Variants in GLI3 observed in about 807,000 individuals in gnomAD.
GLI3 encodes the protein GLI family zinc finger 3, also known as transcription activator GLI3.
A neutral mutation model predicts 100.8 loss-of-function variants in GLI3; 20 were observed. The ratio of observed to expected loss-of-function variants is 0.20; its 90% CI spans 0.14 to 0.29. The LOEUF (loss-of-function observed/expected upper bound fraction) is 0.29. GLI3 is among the 10% of genes least tolerant of loss of function. The pLI is 1.00. For synonymous variants in GLI3, 938 were observed against 860.5 expected (o/e 1.09, Z -1.58); for missense variants, 2,040 against 2,128.5 (o/e 0.96, Z 0.82).
At chr7:42,006,767 C>T (rs1330894524) in intron 10 of GLI3, among the ~76,000 whole-genome samples, 1 of 152,136 alleles carries the variant, frequency 6.6e-6, no homozygotes, top group Non-Finnish European at 1.5e-5. Flanking sequence ...ATTTCTGACA[C>T]TTACAGGATC....
chr7:42,044,143 A>G (rs1362823973), intron 6 of GLI3, among the ~76,000 whole-genome samples: 2 of 152,216 alleles, frequency 1.3e-5, no homozygotes, highest in African/African-American at 4.8e-5. Context: ...CTAGTCCGAG[A>G]CTCAGGACTA....
At chr7:42,259,827 A>G (rs1479485270) in intron 1 of GLI3, among the ~76,000 whole-genome samples, 4 of 152,208 alleles carry the variant, frequency 2.6e-5, no homozygotes, top group Non-Finnish European at 5.9e-5. Context: ...TTTTGACTCA[A>G]AATTGCTTGG....
intron 3 of GLI3, among the ~76,000 whole-genome samples, chr7:42,138,278 G>T (rs571003705): frequency 1.3e-5 from 2 of 152,316 alleles, no homozygotes; most frequent in South Asian, 2.1e-4. Context: ...AGGCACTCAG[G>T]TGTCTCCAAT....
At chr7:42,174,887 G>A (rs1787448113) in intron 2 of GLI3, among the ~76,000 whole-genome samples, 1 of 152,156 alleles carries the variant, frequency 6.6e-6, no homozygotes, top group Non-Finnish European at 1.5e-5. Context: ...AAACAGCAGT[G>A]GGCTTGCCGG....
At chr7:42,123,212 T>C (rs1478540968) in intron 3 of GLI3, among the ~76,000 whole-genome samples, 1 of 152,222 alleles carries the variant, frequency 6.6e-6, no homozygotes, top group African/African-American at 2.4e-5. Flanking sequence ...TTAGTAACTC[T>C]ATTTTCACAT....
chr7:42,012,539 T>G (rs946546987), intron 10 of GLI3, among the ~76,000 whole-genome samples: 1 of 152,250 alleles, frequency 6.6e-6, no homozygotes, highest in South Asian at 2.1e-4. Flanking sequence ...TTAGCCATTA[T>G]AGGCTAATAA....
intron 4 of GLI3, among the ~76,000 whole-genome samples, chr7:42,064,814 A>G (rs1267847369): frequency 6.6e-6 from 1 of 152,206 alleles, no homozygotes; most frequent in African/African-American, 2.4e-5. Context: ...TCTTCCTGAT[A>G]AATCCTCCCT....
At chr7:42,094,944 G>A (rs1785305927) in intron 3 of GLI3, among the ~76,000 whole-genome samples, 1 of 152,168 alleles carries the variant, frequency 6.6e-6, no homozygotes, top group South Asian at 2.1e-4. Flanking sequence ...GACCGCACAT[G>A]AGGGAGCAGT....
chr7:42,075,609 A>G (rs1014549688), intron 4 of GLI3, among the ~76,000 whole-genome samples: 1 of 152,220 alleles, frequency 6.6e-6, no homozygotes, highest in Non-Finnish European at 1.5e-5. Flanking sequence ...TCAAAGGATC[A>G]GTCACAAGTT....
At chr7:42,188,131 T>C (rs1787756637) in intron 2 of GLI3, among the ~76,000 whole-genome samples, 1 of 151,794 alleles carries the variant, frequency 6.6e-6, no homozygotes, top group Admixed American at 6.6e-5. Flanking sequence ...GGCCAGTGGC[T>C]CCCAGGAGAT....
At chr7:41,987,891 C>T (rs1299336160) in intron 10 of GLI3, among the ~76,000 whole-genome samples, 1 of 152,120 alleles carries the variant, frequency 6.6e-6, no homozygotes, top group Non-Finnish European at 1.5e-5. Flanking sequence ...CCACCCTACC[C>T]TAAGGAATGC....
In GLI3 at chr7:41,966,640, G is replaced by C; in HGVS notation, c.2433C>G (p.Gly811=). The C allele has an allele frequency of 6.2e-7, 1 of 1,614,020 alleles. No homozygotes were observed. Among genetic ancestry groups the C allele is most frequent in the East Asian group, 2.2e-5 (1 of 44,868 alleles). ...AGCTGCAGGTGTTGTTGGACTGTGTGCCTGGAGACAGAGAAAGGGAGAGAC... is the reference window on the plus strand; with the variant it reads ...AGCTGCAGGTGTTGTTGGACTGTGTCCCTGGAGACAGAGAAAGGGAGAGAC... ...APAVSPLIGN[G]TQSNNTCSLG... is the part of the protein sequence containing the mutation. Residue 811 remains glycine (G), a splice_region_variant and synonymous_variant, in exon 15 of 15, where the codon GGC becomes GGG. Transcript: ENST00000395925. This position sits in a 1 kb window ranked among gnomAD's most constrained non-coding sequence, Gnocchi z 5.8.
intron 3 of GLI3, among the ~76,000 whole-genome samples, chr7:42,082,193 AACTC>A (rs1036006590): frequency 6.6e-6 from 1 of 151,946 alleles, no homozygotes; most frequent in Non-Finnish European, 1.5e-5. Flanking sequence ...ACTGCCAAGG[AACTC>A]ACTCTAGTGA....
chr7:42,036,972 T>C (rs1789458460), intron 7 of GLI3, among the ~76,000 whole-genome samples: 1 of 152,020 alleles, frequency 6.6e-6, no homozygotes, highest in South Asian at 2.1e-4. Flanking sequence ...TGAAACCCAG[T>C]CTCTACTAAA....
Position 41,966,511 on chromosome 7 carries a change from G to A in GLI3, c.2562C>T (p.Ile854=). 1 of 1,613,760 alleles carries A rather than the reference G, an allele frequency of 6.2e-7. No homozygotes were observed. Among genetic ancestry groups the A allele is most frequent in the Non-Finnish European group, 8.5e-7 (1 of 1,180,014 alleles). Residue 854 remains isoleucine (I), a synonymous_variant, in exon 15 of 15, where the codon ATC becomes ATT. Coordinates refer to ENST00000395925, the MANE Select transcript of GLI3 (RefSeq NM_000168.6). The surrounding 1 kb of genome is among the most constrained non-coding windows in gnomAD (Gnocchi z 5.8). ...LNRRDSSAST[I]SSAYLSSRRS... The stretch of plus-strand genomic sequence containing the variant: ...GGCGGCTGCTCAGGTAGGCCGAGCT[G>A]ATGGTGCTGGCGCTGCTGTCCCTTC...
At chr7:42,141,535 G>C (rs551593433) in intron 3 of GLI3, among the ~76,000 whole-genome samples, 2 of 152,224 alleles carry the variant, frequency 1.3e-5, no homozygotes, top group East Asian at 3.9e-4. Flanking sequence ...AGCCAGGCGA[G>C]GTGGCACATG....
chr7:42,024,975 C>A (rs1195293253), intron 9 of GLI3, among the ~76,000 whole-genome samples: 1 of 152,232 alleles, frequency 6.6e-6, no homozygotes, highest in Admixed American at 6.5e-5. Context: ...GCAACCATTT[C>A]CTCTACGAAC....
intron 4 of GLI3, among the ~76,000 whole-genome samples, chr7:42,059,401 A>G (rs562519259): frequency 1.3e-5 from 2 of 150,254 alleles, no homozygotes; most frequent in South Asian, 2.1e-4. Flanking sequence ...AAAATGTTTT[A>G]TTATATAATG....
chr7:42,237,449 C>G (rs1461603393), upstream of GLI3, among the ~76,000 whole-genome samples: 1 of 152,108 alleles, frequency 6.6e-6, no homozygotes, highest in Admixed American at 6.5e-5. Flanking sequence ...GTGCCCCGTG[C>G]TGGGTGGAGA....
Sources: allele counts gnomAD v4.1 joint callset (sites outside exome capture counted in the v4.1 genomes callset), GRCh38; gene constraint gnomAD v4.1.1; non-coding constraint Gnocchi (gnomAD v3.1); transcripts MANE v1.5; gene names NCBI Gene and HGNC (gene_info 2026-07-23, HGNC 2026-07-21).